Variants in ERC2 observed in about 807,000 individuals in gnomAD.
ERC2 encodes the protein ELKS/RAB6-interacting/CAST family member 2, also known as ERC protein 2.
A neutral mutation model predicts 114.8 loss-of-function variants in ERC2; 42 were observed. The ratio of observed to expected loss-of-function variants is 0.37; its 90% CI spans 0.29 to 0.47. ERC2 has a LOEUF of 0.47. ERC2 is among the 20% of genes least tolerant of loss of function. ERC2 has a pLI of 0.99. For missense variants in ERC2, 939 were observed against 1,150.7 expected (o/e 0.82, Z 2.66); for synonymous variants, 454 against 425.5 (o/e 1.07, Z -0.82).
In ERC2 at chr3:56,057,317, G is replaced by C. The variant is rs530148932; in HGVS notation, c.1641+23500C>G. Among the ~76,000 whole-genome samples, 21 of 152,088 alleles carry C rather than the reference G, an allele frequency of 1.4e-4. No individual in the cohort carries two copies. The South Asian group carries it at 3.9e-3, about 29-fold the overall frequency. On this transcript the variant is annotated intron_variant, in intron 7 of 17. Coordinates refer to ENST00000288221, the MANE Select transcript of ERC2 (RefSeq NM_015576.3). The stretch of plus-strand genomic sequence containing the variant: ...TTTCATCTTACAAAACTAAAATTTT[G>C]TACCTATTAAATAATAACTCCTTAT...
At chr3:55,771,745 A>G (rs921509674) in intron 14 of ERC2, among the ~76,000 whole-genome samples, 8 of 152,148 alleles carry the variant, frequency 5.3e-5, no homozygotes, top group African/African-American at 1.9e-4. Flanking sequence ...AACCCTGCAC[A>G]CCTGATGAGA....
At chr3:55,758,390 ACT>A (rs1352836730) in intron 14 of ERC2, among the ~76,000 whole-genome samples, 5 of 151,990 alleles carry the variant, frequency 3.3e-5, no homozygotes, top group Non-Finnish European at 7.4e-5. Context: ...GATCCCCCAA[ACT>A]CTGCCTCTTC....
At chr3:56,351,713 A>G (rs1232036131) in intron 2 of ERC2, among the ~76,000 whole-genome samples, 3 of 152,190 alleles carry the variant, frequency 2.0e-5, no homozygotes, top group Non-Finnish European at 2.9e-5. Context: ...GAACTAGTGC[A>G]CAGATGTAGC....
At chr3:55,806,569 G>A (rs1394277302) in intron 14 of ERC2, among the ~76,000 whole-genome samples, 1 of 152,064 alleles carries the variant, frequency 6.6e-6, no homozygotes, top group Non-Finnish European at 1.5e-5. Flanking sequence ...TGCTACACAG[G>A]TGACATTTGG....
At chr3:55,538,648 T>C (rs1475470313) in intron 17 of ERC2, among the ~76,000 whole-genome samples, 1 of 152,206 alleles carries the variant, frequency 6.6e-6, no homozygotes, top group African/African-American at 2.4e-5. Context: ...CAAAACCCTG[T>C]TTTTCTTTCT....
chr3:56,459,607 T>C (rs542665642), intron 1 of ERC2, among the ~76,000 whole-genome samples: 55 of 152,040 alleles, frequency 3.6e-4, no homozygotes, highest in African/African-American at 1.3e-3. Context: ...AAATAAACCA[T>C]AGCAAAACTA....
intron 16 of ERC2, among the ~76,000 whole-genome samples, chr3:55,690,367 T>C (rs2062577266): frequency 6.6e-6 from 1 of 152,206 alleles, no homozygotes; most frequent in African/African-American, 2.4e-5. Context: ...CAATATAAAA[T>C]GGATTTCCCT....
At chr3:56,039,543 AT>A (rs1034811918) in intron 7 of ERC2, among the ~76,000 whole-genome samples, 1 of 152,236 alleles carries the variant, frequency 6.6e-6, no homozygotes, top group Non-Finnish European at 1.5e-5. Flanking sequence ...AATTTGAAAA[AT>A]TAATATTGCT....
intron 17 of ERC2, among the ~76,000 whole-genome samples, chr3:55,578,695 C>T (rs2057108331): frequency 6.6e-6 from 1 of 152,154 alleles, no homozygotes; most frequent in Admixed American, 6.5e-5. Flanking sequence ...CTCATGAGTC[C>T]ACAGGTCAGT....
intron 17 of ERC2, among the ~76,000 whole-genome samples, chr3:55,533,939 C>T (rs1018487431): frequency 3.3e-5 from 5 of 152,186 alleles, no homozygotes; most frequent in African/African-American, 7.2e-5. Flanking sequence ...GGTAGCGTGG[C>T]GAGCTGGATA....
chr3:56,049,591 C>T (rs972502848), intron 7 of ERC2, among the ~76,000 whole-genome samples: 9 of 152,090 alleles, frequency 5.9e-5, no homozygotes, highest in East Asian at 1.9e-4. Context: ...GCTGCCAGTA[C>T]GGCCAGGATA....
intron 16 of ERC2, among the ~76,000 whole-genome samples, chr3:55,696,557 C>T (rs1288885978): frequency 1.3e-5 from 2 of 152,172 alleles, no homozygotes; most frequent in Non-Finnish European, 1.5e-5. Flanking sequence ...GAAACATATA[C>T]TCATATGTAC....
chr3:55,766,568 A>T (rs1331896542), intron 14 of ERC2: 1 of 152,016 alleles, frequency 6.6e-6, no homozygotes, highest in African/African-American at 2.4e-5. Context: ...AAGAAACCAG[A>T]CCGGAGCTCA....
intron 14 of ERC2, among the ~76,000 whole-genome samples, chr3:55,775,753 T>C (rs1305227593): frequency 6.6e-6 from 1 of 152,100 alleles, no homozygotes. Flanking sequence ...GAAAATACTT[T>C]CCCTTCCTAA....
intron 4 of ERC2, among the ~76,000 whole-genome samples, chr3:56,164,289 T>A (rs1006670357): frequency 2.6e-4 from 39 of 152,138 alleles, no homozygotes; most frequent in African/African-American, 9.1e-4. Context: ...CAATCACTAA[T>A]CTACTTTCTG....
intron 17 of ERC2, among the ~76,000 whole-genome samples, chr3:55,672,787 T>A (rs1035131847): frequency 6.6e-6 from 1 of 152,074 alleles, no homozygotes; most frequent in African/African-American, 2.4e-5. Flanking sequence ...CCAGAGTCCA[T>A]CCTTCCCTGT....
chr3:55,752,762 G>A (rs1368227778), intron 14 of ERC2, among the ~76,000 whole-genome samples: 1 of 56,470 alleles, frequency 1.8e-5, no homozygotes, highest in Non-Finnish European at 3.1e-5. Flanking sequence ...GTAGAGATTC[G>A]AACCCGGGTA....
At chr3:56,100,320 C>T (rs977540960) in intron 6 of ERC2, among the ~76,000 whole-genome samples, 1 of 152,076 alleles carries the variant, frequency 6.6e-6, no homozygotes, top group Non-Finnish European at 1.5e-5. Flanking sequence ...GCCAAAAACC[C>T]AACACCTTTA....
intron 14 of ERC2, among the ~76,000 whole-genome samples, chr3:55,829,726 C>T (rs1200831701): frequency 1.3e-5 from 2 of 152,054 alleles, no homozygotes; most frequent in African/African-American, 4.8e-5. Flanking sequence ...CACTATATTG[C>T]CCAGGCTGGT....
Sources: allele counts gnomAD v4.1 joint callset (sites outside exome capture counted in the v4.1 genomes callset), GRCh38; gene constraint gnomAD v4.1.1; transcripts MANE v1.5; gene names NCBI Gene and HGNC (gene_info 2026-07-23, HGNC 2026-07-21).